The following STOML3 variants were observed in gnomAD, a reference collection of about 807,000 sequenced individuals.
The protein encoded by STOML3 is stomatin-like protein 3.
STOML3 carries 31 observed loss-of-function variants against 29.5 expected under a neutral mutation model. That is an observed-to-expected ratio of 1.05 (90% CI 0.79 to 1.42). The LOEUF (loss-of-function observed/expected upper bound fraction) is 1.42. STOML3 is among the 40% of genes most tolerant of loss of function. The probability of loss-of-function intolerance (pLI) is 0.00; values close to 1 mark genes in which losing one functional copy is unlikely to be tolerated. For missense variants in STOML3, 380 were observed against 363.0 expected (o/e 1.05, Z -0.38); for synonymous variants, 122 against 139.8 (o/e 0.87, Z 0.90).
chr13:38,988,942 T>G (rs1031069609), intron 1 of STOML3, among the ~76,000 whole-genome samples: 270 of 144,786 alleles, frequency 1.9e-3, no homozygotes, highest in Non-Finnish European at 2.7e-3. Context: ...ATACAATATA[T>G]TATATATACT....
At chr13:38,983,030 C>T (rs1881321348) in intron 1 of STOML3, among the ~76,000 whole-genome samples, 1 of 152,120 alleles carries the variant, frequency 6.6e-6, no homozygotes, top group African/African-American at 2.4e-5. Context: ...CTATTTTCCC[C>T]TATCCCTCTG....
At chr13:38,968,572 C>G in intron 5 of STOML3, 38 bp from the exon 6 acceptor site, 3 of 1,611,214 alleles carry the variant, frequency 1.9e-6, no homozygotes, top group Non-Finnish European at 2.5e-6. Context: ...ATAAGAAAGA[C>G]AGGTGATATG....
chr13:38,977,124 T>C (rs1372220328), intron 1 of STOML3, among the ~76,000 whole-genome samples: 1 of 152,258 alleles, frequency 6.6e-6, no homozygotes, highest in Non-Finnish European at 1.5e-5. Context: ...ATGTAATCTC[T>C]GGACCGTCCA....
chr13:38,987,858 A>C (rs1322494082), intron 1 of STOML3, among the ~76,000 whole-genome samples: 1 of 85,226 alleles, frequency 1.2e-5, no homozygotes, highest in Non-Finnish European at 1.9e-5. Context: ...AATATATTAT[A>C]TGTTATATAT....
At chr13:38,985,907 C>CTTTTTTTTTTTTTT (rs1868500200) in intron 1 of STOML3, among the ~76,000 whole-genome samples, 1 of 23,678 alleles carries the variant, frequency 4.2e-5, no homozygotes, top group Non-Finnish European at 8.8e-5. Flanking sequence ...TTTTTCTTTT[C>CTTTTTTTTTTTTTT]TTTCTTTTTT....
intron 3 of STOML3, among the ~76,000 whole-genome samples, chr13:38,973,667 C>T (rs1369300470): frequency 6.6e-6 from 1 of 151,938 alleles, no homozygotes; most frequent in Non-Finnish European, 1.5e-5. Flanking sequence ...TGGGGGGACA[C>T]AAATACTCAG....
At position 38,966,659 on chromosome 13, in the gene STOML3, T is replaced by C. The variant is rs866308659; in HGVS notation, c.*166A>G. ...TATACAGGTCTCATTTTTGCTCTTT[T>C]TTTCTTCTCTGTATAGCCTCTAGAG... On this transcript the variant is annotated 3_prime_UTR_variant, in exon 7 of 7. Coordinates refer to ENST00000379631, the MANE Select transcript of STOML3 (RefSeq NM_145286.3). The C allele has an allele frequency of 3.5e-6, 2 of 572,368 alleles. No individual in the cohort carries two copies. The highest frequency in any genetic ancestry group is 5.3e-5 in the South Asian group (2 of 37,944). The allele number at this position is 572,368 out of a possible 1,614,324, so 35.5% of individuals were successfully genotyped here. A position where few individuals can be genotyped will look rare whatever the true frequency, so the allele number is the denominator to read the frequency against.
At chr13:38,973,253 G>C (rs1880954806) in intron 3 of STOML3, among the ~76,000 whole-genome samples, 1 of 151,770 alleles carries the variant, frequency 6.6e-6, no homozygotes, top group South Asian at 2.1e-4. Flanking sequence ...CTGCACTCCA[G>C]CCTGGGCAAC....
chr13:38,966,931 G>A lies in STOML3; in HGVS notation c.770C>T (p.Ala257Val), dbSNP rs765453985. Residue 257 changes from alanine to valine, a missense_variant, in exon 7 of 7, where the codon GCC (alanine) becomes GTC (valine). By Grantham distance (64) the Ala-to-Val change is moderately conservative. Coordinates refer to ENST00000379631, the MANE Select transcript of STOML3 (RefSeq NM_145286.3). ...LRYLQTLSTV[A>V]TEKNSTIVFP... ...CACAATCGTAGAATTCTTCTCGGTG[G>A]CTACCGTGCTCAAGGTCTGCAGGTA... 1 of 1,613,890 alleles carries A rather than the reference G, an allele frequency of 6.2e-7. No individual in the cohort carries two copies. The highest frequency in any genetic ancestry group is 1.7e-5 in the Admixed American group (1 of 59,998).
At chr13:38,969,334 CCCTTGCCTTTCTGTGATCCCTG>C (rs1356544451) in intron 5 of STOML3, among the ~76,000 whole-genome samples, 2 of 152,182 alleles carry the variant, frequency 1.3e-5, no homozygotes, top group Non-Finnish European at 2.9e-5. Context: ...AGTGATCCCT[CCCTTGCCTTTCTGTGATCCCTG>C]CAGGATATGA....
chr13:38,989,920 A>G (rs1868931650), intron 1 of STOML3, among the ~76,000 whole-genome samples: 1 of 152,036 alleles, frequency 6.6e-6, no homozygotes, highest in Admixed American at 6.6e-5. Flanking sequence ...GCACACTCAC[A>G]CCATCATCAC....
chr13:38,989,217 T>G (rs1325014496), intron 1 of STOML3, among the ~76,000 whole-genome samples: 4 of 151,960 alleles, frequency 2.6e-5, no homozygotes, highest in African/African-American at 9.7e-5. Context: ...TGCCAGTTTT[T>G]CATATTCAAA....
chr13:38,987,716 T>C (rs12857215), intron 1 of STOML3, among the ~76,000 whole-genome samples: 40,545 of 127,726 alleles, frequency 0.32, 8,166 homozygotes, highest in African/African-American at 0.56. Flanking sequence ...ATTATATATA[T>C]TAATTCATAT....
At chr13:38,987,150 AC>A (rs1868604148) in intron 1 of STOML3, among the ~76,000 whole-genome samples, 1 of 152,082 alleles carries the variant, frequency 6.6e-6, no homozygotes, top group Non-Finnish European at 1.5e-5. Flanking sequence ...AATATCACCT[AC>A]CCCTTCAGGT....
chr13:38,988,367 TA>T (rs1555282960), intron 1 of STOML3, among the ~76,000 whole-genome samples: 2 of 50,948 alleles, frequency 3.9e-5, no homozygotes, highest in African/African-American at 6.0e-4. Context: ...ATATTTTATA[TA>T]ATATATTATA....
chr13:38,980,853 C>G (rs1269491724), intron 1 of STOML3, among the ~76,000 whole-genome samples: 1 of 152,132 alleles, frequency 6.6e-6, no homozygotes, highest in Non-Finnish European at 1.5e-5. Context: ...AAGAATCCCT[C>G]GGGCAGTTAC....
At chr13:38,989,403 C>T (rs1427387612) in intron 1 of STOML3, among the ~76,000 whole-genome samples, 2 of 152,164 alleles carry the variant, frequency 1.3e-5, no homozygotes, top group East Asian at 1.9e-4. Context: ...ATGATATTTA[C>T]TGCCTTCAAG....
rs773168097 is a variant in STOML3 at position 38,970,374 on chromosome 13, G to C, written c.327C>G (p.Asp109Glu). 17 of 1,613,944 alleles carry C rather than the reference G, an allele frequency of 1.1e-5. No homozygotes were observed. In the African/African-American group the frequency reaches 2.3e-4, roughly 22 times the overall value. ...NIPPQEILTR[D>E]SVTTQVDGVV... ...CTCCATCTACCTGAGTAGTTACGGA[G>C]TCTCTGGTGAGGATCTGTGGAGTAA... The change falls in exon 5 of 7, where the codon GAC (aspartate) becomes GAG (glutamate). Residue 109 changes from aspartate (D) to glutamate (E), a missense_variant. Physicochemically the swap from Asp to Glu is conservative, Grantham distance 45. Coordinates refer to ENST00000379631, the MANE Select transcript of STOML3 (RefSeq NM_145286.3).
chr13:38,968,427 A>C lies in STOML3; in HGVS notation c.624T>G (p.Ala208=), dbSNP rs1293899083. ...TGGCTCTCGCTTCCCGGGTGGCCTC[A>C]GCCTCGGCTGCCATGGATCTCTGCA... The part of the protein sequence containing the change: ...VQLQRSMAAE[A]EATREARAKV... The change falls in exon 6 of 7, where the codon GCT becomes GCG. Residue 208 remains alanine, a synonymous_variant. Coordinates refer to ENST00000379631, the MANE Select transcript of STOML3 (RefSeq NM_145286.3). The C allele has an allele frequency of 6.2e-7, 1 of 1,614,154 alleles. No homozygotes were observed. Among genetic ancestry groups the C allele is most frequent in the South Asian group, 1.1e-5 (1 of 91,082 alleles).
Sources: gnomAD v4.1 joint callset for allele counts (sites outside exome capture counted in the v4.1 genomes callset) on GRCh38, gnomAD v4.1.1 for gene constraint, MANE v1.5 for transcripts, NCBI Gene and HGNC (gene_info 2026-07-23, HGNC 2026-07-21) for gene names.